ZNF521: variants seen among roughly 807,000 people sequenced by gnomAD.
The protein encoded by ZNF521 is LYST-interacting protein 3.
In ZNF521, 14 loss-of-function variants were observed where a neutral mutation model predicts 105.5. The observed-to-expected ratio is 0.13, with a 90% CI of 0.09 to 0.21. The LOEUF is 0.21. Ranked by LOEUF, ZNF521 falls within the 10% of genes least tolerant of loss-of-function variation. The pLI, the probability that ZNF521 is intolerant of heterozygous loss-of-function variation, is 1.00. For missense variants in ZNF521, 1,233 were observed against 1,629.7 expected (o/e 0.76, Z 4.19); for synonymous variants, 635 against 606.0 (o/e 1.05, Z -0.70).
intron 5 of ZNF521, among the ~76,000 whole-genome samples, chr18:25,164,559 C>T (rs1408382702): frequency 6.6e-6 from 1 of 152,204 alleles, no homozygotes; most frequent in East Asian, 1.9e-4. Context: ...AAACTGCATG[C>T]GGGTATAGCA....
At chr18:25,133,311 T>C (rs949836189) in intron 5 of ZNF521, among the ~76,000 whole-genome samples, 3 of 152,196 alleles carry the variant, frequency 2.0e-5, no homozygotes, top group African/African-American at 7.2e-5. Flanking sequence ...TTTGCTCCCA[T>C]CTGGCTATGA....
intron 2 of ZNF521, among the ~76,000 whole-genome samples, chr18:25,350,440 G>A (rs988713765): frequency 6.6e-6 from 1 of 152,100 alleles, no homozygotes; most frequent in East Asian, 1.9e-4. Flanking sequence ...TCACGAGCGG[G>A]GGCTGCTCCC....
chr18:25,087,897 AACTT>A (rs2033657968), intron 7 of ZNF521, among the ~76,000 whole-genome samples: 1 of 152,240 alleles, frequency 6.6e-6, no homozygotes, highest in African/African-American at 2.4e-5. Context: ...TCATCTCCTT[AACTT>A]ACTATTTGTT....
chr18:25,161,426 A>G (rs1377672270), intron 5 of ZNF521, among the ~76,000 whole-genome samples: 1 of 152,094 alleles, frequency 6.6e-6, no homozygotes, highest in African/African-American at 2.4e-5. Context: ...GACACAATGG[A>G]GGGGAATGGT....
chr18:25,066,398 C>T (rs2033061812), intron 7 of ZNF521, among the ~76,000 whole-genome samples: 1 of 152,140 alleles, frequency 6.6e-6, no homozygotes, highest in Admixed American at 6.5e-5. Context: ...TTCAAGTCCA[C>T]TGGAAATACA....
intron 5 of ZNF521, among the ~76,000 whole-genome samples, chr18:25,121,009 G>C (rs1819352514): frequency 6.6e-6 from 1 of 151,678 alleles, no homozygotes. Context: ...AAATTTCATA[G>C]TTTGGTCAAG....
At chr18:25,155,881 A>G (rs181641754) in intron 5 of ZNF521, among the ~76,000 whole-genome samples, 1 of 152,344 alleles carries the variant, frequency 6.6e-6, no homozygotes, top group Admixed American at 6.5e-5. Flanking sequence ...GCCAGGCACA[A>G]AAAGAAAAAT....
chr18:25,263,033 T>C (rs1352611384), intron 3 of ZNF521, among the ~76,000 whole-genome samples: 11 of 152,230 alleles, frequency 7.2e-5, no homozygotes, highest in Non-Finnish European at 1.5e-4. Flanking sequence ...CCTTTTCTGT[T>C]TTGTAATTAT....
chr18:25,075,079 A>C (rs1255155109), intron 7 of ZNF521, among the ~76,000 whole-genome samples: 1 of 152,130 alleles, frequency 6.6e-6, no homozygotes, highest in Non-Finnish European at 1.5e-5. Flanking sequence ...GTGCAAACTC[A>C]TGCAAATTCA....
intron 7 of ZNF521, among the ~76,000 whole-genome samples, chr18:25,066,205 G>A (rs1399939782): frequency 1.3e-5 from 2 of 152,114 alleles, no homozygotes; most frequent in Non-Finnish European, 2.9e-5. Context: ...CCCAGGCCTG[G>A]CTGTCCACCA....
chr18:25,289,543 C>A (rs1258729372), intron 3 of ZNF521, among the ~76,000 whole-genome samples: 1 of 152,206 alleles, frequency 6.6e-6, no homozygotes, highest in African/African-American at 2.4e-5. Context: ...ATAAAACCAG[C>A]CCATTGGCTG....
chr18:25,349,803 C>A (rs1245424486), intron 2 of ZNF521, among the ~76,000 whole-genome samples: 3 of 150,072 alleles, frequency 2.0e-5, no homozygotes, highest in African/African-American at 7.3e-5. Flanking sequence ...GGCGGGCGCA[C>A]CAGCCGCCCT....
At chr18:25,186,655 C>T (rs534271265) in intron 5 of ZNF521, among the ~76,000 whole-genome samples, 8 of 152,048 alleles carry the variant, frequency 5.3e-5, no homozygotes, top group Admixed American at 1.3e-4. Context: ...AATAACAGAC[C>T]GATAGCTAAA....
intron 3 of ZNF521, among the ~76,000 whole-genome samples, chr18:25,320,963 T>C (rs1912904736): frequency 6.6e-6 from 1 of 152,196 alleles, no homozygotes. Flanking sequence ...TTTAATGGAT[T>C]TAATCCAACA....
intron 5 of ZNF521, among the ~76,000 whole-genome samples, chr18:25,192,641 A>G (rs1476369709): frequency 2.0e-5 from 3 of 151,562 alleles, no homozygotes; most frequent in African/African-American, 7.3e-5. Flanking sequence ...ATAGTCCCTA[A>G]TCCCCCTTCC....
rs1052021581 is a variant in ZNF521, at chr18:25,188,309, T to C, written c.3658+6851A>G. Among the ~76,000 whole-genome samples, 4 of 152,138 alleles carry C rather than the reference T, an allele frequency of 2.6e-5. No homozygotes were observed. In the East Asian group the frequency reaches 7.7e-4, roughly 29 times the overall value. Reference sequence around the variant, plus strand: ...CATCAGCTCACCAAATGCAACAATATGAGCAGCTGAAGTTCGACACCCACT... The same window carrying C: ...CATCAGCTCACCAAATGCAACAATACGAGCAGCTGAAGTTCGACACCCACT... On this transcript the variant is annotated intron_variant, in intron 5 of 7. Transcript: ENST00000361524.
At chr18:25,083,027 GA>G (rs1366800996) in intron 7 of ZNF521, among the ~76,000 whole-genome samples, 1 of 151,992 alleles carries the variant, frequency 6.6e-6, no homozygotes, top group Non-Finnish European at 1.5e-5. Flanking sequence ...AGGAAAATAT[GA>G]AAAAATAAAC....
At chr18:25,281,155 C>CT in intron 3 of ZNF521, among the ~76,000 whole-genome samples, 1 of 152,170 alleles carries the variant, frequency 6.6e-6, no homozygotes, top group Non-Finnish European at 1.5e-5. Context: ...GCACCTACAG[C>CT]TTTATCCGTC....
intron 5 of ZNF521, among the ~76,000 whole-genome samples, chr18:25,133,369 T>C (rs1600076913): frequency 1.3e-5 from 2 of 152,328 alleles, no homozygotes. Flanking sequence ...GAGCAGGTTT[T>C]ACAGTTCATT....
Sources: gnomAD v4.1 joint callset for allele counts (sites outside exome capture counted in the v4.1 genomes callset) on GRCh38, gnomAD v4.1.1 for gene constraint, MANE v1.5 for transcripts, NCBI Gene and HGNC (gene_info 2026-07-23, HGNC 2026-07-21) for gene names.